ASAP2: variants seen among roughly 807,000 people sequenced by gnomAD.
ASAP2 encodes arf-GAP with SH3 domain, ANK repeat and PH domain-containing protein 2.
A neutral mutation model predicts 131.4 loss-of-function variants in ASAP2; 45 were observed. The ratio of observed to expected loss-of-function variants is 0.34; its 90% confidence interval spans 0.27 to 0.44. The LOEUF is 0.44. Among genes scored for constraint, ASAP2 ranks in the 20% least tolerant of loss-of-function variants. ASAP2 has a pLI of 1.00. For synonymous variants in ASAP2, 510 were observed against 503.0 expected, an observed-to-expected ratio of 1.01 and a Z score of -0.19; for missense variants, 1,011 against 1,297.0, an observed-to-expected ratio of 0.78 and a Z score of 3.39.
chr2:9,396,895 G>C (rs960790739), intron 24 of ASAP2, among the ~76,000 whole-genome samples: 9 of 152,106 alleles, frequency 5.9e-5, no homozygotes, highest in African/African-American at 2.2e-4. Context: ...CCAGCTACTC[G>C]GGAGGCAGAG....
At chr2:9,367,030 T>A (rs1281234757) in intron 15 of ASAP2, among the ~76,000 whole-genome samples, 11 of 147,184 alleles carry the variant, frequency 7.5e-5, no homozygotes, top group Non-Finnish European at 1.5e-4. Flanking sequence ...CTGCATAATT[T>A]TTTTTTTTTT....
chr2:9,349,224 A>G (rs1233585059), intron 11 of ASAP2, among the ~76,000 whole-genome samples: 4 of 152,200 alleles, frequency 2.6e-5, no homozygotes, highest in African/African-American at 9.6e-5. Context: ...GTGCTTCTGT[A>G]TTTATCAAAG....
intron 9 of ASAP2, among the ~76,000 whole-genome samples, chr2:9,338,634 C>T (rs1003460278): frequency 6.6e-5 from 10 of 152,172 alleles, no homozygotes; most frequent in African/African-American, 2.4e-4. Context: ...ATCCAGCTAC[C>T]CTTTCTTCCA....
Position 9,380,757 on chromosome 2 carries a change from G to T in ASAP2, c.1965G>T (p.Glu655Asp). Reference sequence around the variant, plus strand: ...GAATTTTAGCAAACGAGTCAGGAGAGACTCCGCTGGACATTGCCAAGCGCC... The same window carrying T: ...GAATTTTAGCAAACGAGTCAGGAGATACTCCGCTGGACATTGCCAAGCGCC... ...ASIEIANESG[E>D]TPLDIAKRLK... The change falls in exon 20 of 28, where the codon GAG (glutamate) becomes GAT (aspartate). Residue 655 changes from glutamate to aspartate, a missense_variant. By Grantham distance (45) the Glu-to-Asp change is conservative. Transcript: ENST00000281419. 6.2e-7 allele frequency: 1 copy of T among 1,614,178 alleles called. No homozygotes were observed. The highest frequency in any genetic ancestry group is 8.5e-7 in the Non-Finnish European group (1 of 1,180,042).
chr2:9,286,533 T>A (rs1667482151), intron 2 of ASAP2, among the ~76,000 whole-genome samples: 1 of 152,156 alleles, frequency 6.6e-6, no homozygotes, highest in South Asian at 2.1e-4. Context: ...TTGGCAAGCT[T>A]ACAGTAACTA....
At chr2:9,373,295 G>A (rs1674128897) in intron 16 of ASAP2, among the ~76,000 whole-genome samples, 1 of 152,212 alleles carries the variant, frequency 6.6e-6, no homozygotes, top group African/African-American at 2.4e-5. Context: ...TGCTCAGGTG[G>A]AACGGGCACC....
chr2:9,279,424 G>T, intron 2 of ASAP2, 35 bp downstream of exon 2: 2 of 1,593,606 alleles, frequency 1.3e-6, no homozygotes, highest in Non-Finnish European at 1.7e-6. Context: ...GTTTCTGTGT[G>T]GAAAATGTCG....
chr2:9,389,475 G>A lies in ASAP2; in HGVS notation c.2383+929G>A, dbSNP rs1346518272. ...AGCTGCTAGCTGGGCAGGCTGGGTCGGTGCGTGAGGGTGGCTGAGGCCGGG... is the reference window on the plus strand; with the variant it reads ...AGCTGCTAGCTGGGCAGGCTGGGTCAGTGCGTGAGGGTGGCTGAGGCCGGG... On this transcript the variant is annotated intron_variant, in intron 22 of 27. Coordinates refer to ENST00000281419, the MANE Select transcript of ASAP2 (RefSeq NM_003887.3). The surrounding 1 kb of genome is among the most constrained non-coding windows in gnomAD (Gnocchi z 4.7). 2.0e-5 allele frequency among the ~76,000 whole-genome samples: 3 copies of A among 152,192 alleles called. No homozygotes were observed. Among genetic ancestry groups the A allele is most frequent in the Admixed American group, 6.5e-5 (1 of 15,274 alleles).
At chr2:9,390,316 A>G (rs1170309190) in intron 22 of ASAP2, among the ~76,000 whole-genome samples, 1 of 152,218 alleles carries the variant, frequency 6.6e-6, no homozygotes, top group African/African-American at 2.4e-5. Flanking sequence ...CTGGCTCCCC[A>G]GGGGAGGAGC....
chr2:9,239,214 T>C (rs1018199602), intron 1 of ASAP2, among the ~76,000 whole-genome samples: 2 of 152,224 alleles, frequency 1.3e-5, no homozygotes, highest in African/African-American at 4.8e-5. Flanking sequence ...TGAATTACAT[T>C]TTTAACACTG....
intron 18 of ASAP2, 124 bp downstream of exon 18, chr2:9,377,117 T>G (rs1674463797): frequency 1.2e-6 from 1 of 834,644 alleles, no homozygotes; most frequent in Non-Finnish European, 1.9e-6. Context: ...TAAACATGAA[T>G]TAAAGACAGA....
In ASAP2 at chr2:9,259,153, CT is replaced by C. The variant is rs149929172; in HGVS notation, c.127-20163del. On this transcript the variant is annotated intron_variant, in intron 1 of 27. Transcript: ENST00000281419. ...CAGGGAGCCCTTCCCCTCGCTTCCT[CT>C]CTTGTTCTGTTAGCTGGGGTTTCAA... Among the ~76,000 whole-genome samples, 413 of 152,360 alleles carry C rather than the reference CT, an allele frequency of 2.7e-3. 2 individuals carry two copies. Among genetic ancestry groups the C allele is most frequent in the African/African-American group, 6.3e-3 (261 of 41,586 alleles).
chr2:9,339,465 T>G (rs1383371754), intron 9 of ASAP2, among the ~76,000 whole-genome samples: 1 of 152,176 alleles, frequency 6.6e-6, no homozygotes. Context: ...AGATAATTTC[T>G]GTAGAGCACT....
rs749082822 is a variant in ASAP2 at position 9,368,427 on chromosome 2, C to T, written c.1464C>T (p.Leu488=). The T allele has an allele frequency of 5.2e-5, 84 of 1,613,808 alleles. No individual in the cohort carries two copies. The highest frequency in any genetic ancestry group is 1.6e-4 in the Middle Eastern group (1 of 6,084). Residue 488 remains leucine, a splice_region_variant and synonymous_variant, in exon 16 of 28, where the codon CTC becomes CTT. Coordinates refer to ENST00000281419, the MANE Select transcript of ASAP2 (RefSeq NM_003887.3). ...LDVLGTSELL[L]AKNIGNAGFN... ...GAAATAGACTTTCATTTTTGCAGCT[C>T]GCCAAGAATATTGGGAATGCAGGCT... is the stretch of plus-strand genomic sequence containing the variant.
In ASAP2 at chr2:9,393,662, G is replaced by A. The variant is rs1005716401; in HGVS notation, c.2684+15G>A. The A allele has an allele frequency of 3.2e-6, 5 of 1,551,130 alleles. No individual in the cohort carries two copies. The African/African-American group carries it at 5.4e-5, about 17-fold the overall frequency. ...CCTGCGCCGGGGTAAGCCACCCCCA[G>A]CCAGCTCGGCCATCCGTGCTCCTGC... On this transcript the variant is annotated intron_variant, in intron 24 of 27. Coordinates refer to ENST00000281419, the MANE Select transcript of ASAP2 (RefSeq NM_003887.3).
At position 9,393,638 on chromosome 2, in the gene ASAP2, C is replaced by G. The variant is rs771226301; in HGVS notation, c.2675C>G (p.Pro892Arg). 17 of 1,574,940 alleles carry G rather than the reference C, an allele frequency of 1.1e-5. No individual in the cohort carries two copies. The highest frequency in any genetic ancestry group is 1.5e-5 in the Non-Finnish European group (17 of 1,164,222). The change falls in exon 24 of 28, where the codon CCT becomes CGT. Residue 892 changes from proline (P) to arginine (R), a missense_variant. Around this residue, in one of 2 missense-constraint regions of ASAP2, gnomAD observed 652 missense variants for 698.9 expected, o/e 0.93. Coordinates refer to ENST00000281419, the MANE Select transcript of ASAP2 (RefSeq NM_003887.3). The stretch of plus-strand genomic sequence containing the variant: ...CCCAGCCGCCTCCCGCAGAAGAAGC[C>G]TGCGCCGGGGTAAGCCACCCCCAGC... ...QPPSRLPQKK[P>R]APGADKSTPL...
chr2:9,214,798 A>G (rs997576490), intron 1 of ASAP2, among the ~76,000 whole-genome samples: 2 of 148,410 alleles, frequency 1.3e-5, no homozygotes, highest in African/African-American at 5.1e-5. Context: ...AAAAAAAAAA[A>G]GTGAACAGGA....
chr2:9,322,199 AAT>A (rs1346095717), intron 5 of ASAP2, among the ~76,000 whole-genome samples: 1 of 152,130 alleles, frequency 6.6e-6, no homozygotes, highest in African/African-American at 2.4e-5. Context: ...CACTCCTTCA[AAT>A]TATTGAGAAC....
chr2:9,361,784 C>T (rs1463117607), intron 15 of ASAP2, among the ~76,000 whole-genome samples: 2 of 152,062 alleles, frequency 1.3e-5, no homozygotes, highest in Non-Finnish European at 2.9e-5. Flanking sequence ...AGGCTGGTCT[C>T]GAACTCCTGG....
Sources: gnomAD v4.1 joint callset for allele counts (sites outside exome capture counted in the v4.1 genomes callset) on GRCh38, gnomAD v4.1.1 for gene constraint, gnomAD v4.1.1 regional missense constraint, Gnocchi (gnomAD v3.1) non-coding constraint, MANE v1.5 for transcripts, NCBI Gene and HGNC (gene_info 2026-07-23, HGNC 2026-07-21) for gene names.